NAALADL2: variants seen among roughly 807,000 people sequenced by gnomAD.
The protein encoded by NAALADL2 is inactive N-acetylated-alpha-linked acidic dipeptidase-like protein 2.
A neutral mutation model predicts 87.2 loss-of-function variants in NAALADL2; 76 were observed. The observed-to-expected ratio is 0.87, with a 90% CI of 0.72 to 1.05. The LOEUF (loss-of-function observed/expected upper bound fraction) is 1.05. Among genes scored for constraint, NAALADL2 ranks in the 50% least tolerant of loss-of-function variants. The pLI is 0.00. For missense variants in NAALADL2, 1,089 were observed against 945.8 expected, an observed-to-expected ratio of 1.15 and a Z score of -1.99; for synonymous variants, 354 against 331.0, an observed-to-expected ratio of 1.07 and a Z score of -0.75.
intron 10 of NAALADL2, among the ~76,000 whole-genome samples, chr3:175,579,970 C>G (rs114297152): frequency 0.012 from 1,901 of 152,176 alleles, 38 homozygotes; most frequent in African/African-American, 0.04. Context: ...TTATACTTTT[C>G]GCTGTTCTGT....
At chr3:175,128,903 A>G (rs905866526) in intron 2 of NAALADL2, among the ~76,000 whole-genome samples, 2 of 152,046 alleles carry the variant, frequency 1.3e-5, no homozygotes, top group South Asian at 4.1e-4. Flanking sequence ...TGAGCTATGT[A>G]TAGATTGTGT....
At chr3:175,639,840 A>C (rs558593177) in intron 11 of NAALADL2, among the ~76,000 whole-genome samples, 138 of 152,292 alleles carry the variant, frequency 9.1e-4, no homozygotes, top group Non-Finnish European at 1.7e-3. Context: ...AAATCTAAGA[A>C]AGACCAAGAA....
At chr3:175,729,044 G>A (rs966438316) in intron 11 of NAALADL2, among the ~76,000 whole-genome samples, 1 of 152,120 alleles carries the variant, frequency 6.6e-6, no homozygotes, top group Non-Finnish European at 1.5e-5. Context: ...AAATATATGT[G>A]TATGGTGTCG....
At chr3:175,385,968 C>T (rs1173940537) in intron 5 of NAALADL2, among the ~76,000 whole-genome samples, 1 of 151,824 alleles carries the variant, frequency 6.6e-6, no homozygotes, top group Admixed American at 6.6e-5. Context: ...TTTGAAAAGA[C>T]CAATGGCCCC....
At chr3:175,404,014 T>C (rs1711840078) in intron 5 of NAALADL2, among the ~76,000 whole-genome samples, 1 of 152,138 alleles carries the variant, frequency 6.6e-6, no homozygotes, top group Non-Finnish European at 1.5e-5. Flanking sequence ...CTCCAGCTTG[T>C]TTGTATGCAT....
At chr3:175,647,565 A>G (rs1730181766) in intron 11 of NAALADL2, among the ~76,000 whole-genome samples, 1 of 152,192 alleles carries the variant, frequency 6.6e-6, no homozygotes, top group Admixed American at 6.5e-5. Context: ...AGAGTCTCTT[A>G]GATAGAGGAC....
At chr3:175,264,925 A>G (rs7649395) in intron 4 of NAALADL2, among the ~76,000 whole-genome samples, 2,854 of 151,772 alleles carry the variant, frequency 0.019, 80 homozygotes, top group African/African-American at 0.066. Flanking sequence ...AAACCATATC[A>G]CAAAATTGTG....
intron 11 of NAALADL2, among the ~76,000 whole-genome samples, chr3:175,703,541 G>T (rs202141898): frequency 6.6e-6 from 1 of 152,058 alleles, no homozygotes; most frequent in Non-Finnish European, 1.5e-5. Flanking sequence ...TCAGGAGTTC[G>T]AGACCAGCCT....
At chr3:175,438,980 G>T (rs1458563328) in intron 5 of NAALADL2, among the ~76,000 whole-genome samples, 1 of 152,038 alleles carries the variant, frequency 6.6e-6, no homozygotes, top group Non-Finnish European at 1.5e-5. Flanking sequence ...TACCCAATGT[G>T]TAGTCTTTTA....
At chr3:175,577,973 A>G (rs948463886) in intron 10 of NAALADL2, among the ~76,000 whole-genome samples, 1 of 152,206 alleles carries the variant, frequency 6.6e-6, no homozygotes, top group Non-Finnish European at 1.5e-5. Flanking sequence ...TAAGGAAATT[A>G]GAGCTTTTTT....
chr3:175,063,391 A>G (rs1713922086), intron 1 of NAALADL2, among the ~76,000 whole-genome samples: 4 of 152,066 alleles, frequency 2.6e-5, no homozygotes, highest in Non-Finnish European at 5.9e-5. Flanking sequence ...CCTTCGAAAC[A>G]TAGACTGGTC....
At chr3:175,475,537 A>G (rs1725571257) in intron 9 of NAALADL2, among the ~76,000 whole-genome samples, 1 of 152,140 alleles carries the variant, frequency 6.6e-6, no homozygotes, top group African/African-American at 2.4e-5. Flanking sequence ...ATAGCAATGA[A>G]ATTTCTAACA....
At chr3:175,660,179 A>G (rs1480284297) in intron 11 of NAALADL2, among the ~76,000 whole-genome samples, 1 of 152,124 alleles carries the variant, frequency 6.6e-6, no homozygotes, top group East Asian at 1.9e-4. Flanking sequence ...ATCACTTCCT[A>G]AAGTCCCCAC....
At chr3:174,774,561 G>T (rs1353953460) in intron 3 of NAALADL2, among the ~76,000 whole-genome samples, 2 of 152,166 alleles carry the variant, frequency 1.3e-5, no homozygotes, top group Non-Finnish European at 2.9e-5. Context: ...TGTCACGATA[G>T]TTGGTAGTTG....
intron 2 of NAALADL2, among the ~76,000 whole-genome samples, chr3:174,573,255 T>G (rs1281158032): frequency 6.6e-6 from 1 of 152,176 alleles, no homozygotes; most frequent in Non-Finnish European, 1.5e-5. Context: ...GCTGATTTCT[T>G]TCCTTTTCTT....
At chr3:175,352,357 A>G (rs961533166) in intron 5 of NAALADL2, among the ~76,000 whole-genome samples, 1 of 152,094 alleles carries the variant, frequency 6.6e-6, no homozygotes, top group African/African-American at 2.4e-5. Context: ...CAAAAAATGG[A>G]GTTGGACTCT....
chr3:175,254,704 T>A (rs964163671), intron 3 of NAALADL2, among the ~76,000 whole-genome samples: 2 of 152,226 alleles, frequency 1.3e-5, no homozygotes, highest in African/African-American at 4.8e-5. Flanking sequence ...ACTTTTGCAA[T>A]GTAATCATTA....
At chr3:175,246,351 A>G (rs1747972655) in intron 3 of NAALADL2, among the ~76,000 whole-genome samples, 1 of 152,206 alleles carries the variant, frequency 6.6e-6, no homozygotes, top group African/African-American at 2.4e-5. Context: ...TGGGTTTATC[A>G]TTTCTGAACT....
intron 10 of NAALADL2, among the ~76,000 whole-genome samples, chr3:175,619,548 A>AT (rs1160807143): frequency 5.9e-5 from 9 of 151,410 alleles, no homozygotes; most frequent in Admixed American, 5.9e-4. Context: ...ATGCTAATGG[A>AT]TTTTTTCAAC....
Sources: gnomAD v4.1 joint callset for allele counts (sites outside exome capture counted in the v4.1 genomes callset) on GRCh38, gnomAD v4.1.1 for gene constraint, MANE v1.5 for transcripts, NCBI Gene and HGNC (gene_info 2026-07-23, HGNC 2026-07-21) for gene names.